Variants in TMEM181 observed in about 807,000 individuals in gnomAD.
The protein encoded by TMEM181 is G protein-coupled receptor 178.
TMEM181 carries 39 observed loss-of-function variants against 71.9 expected under a neutral mutation model. That is an observed-to-expected ratio of 0.54 (90% CI 0.42 to 0.71). The LOEUF (loss-of-function observed/expected upper bound fraction) is 0.71. Among genes scored for constraint, TMEM181 ranks in the 30% least tolerant of loss-of-function variants. TMEM181 has a pLI of 0.00. For synonymous variants in TMEM181, 245 were observed against 228.8 expected (o/e 1.07, Z -0.64); for missense variants, 595 against 583.0 (o/e 1.02, Z -0.21).
chr6:158,623,456 T>C, intron 10 of TMEM181, 94 bp from the exon 11 acceptor site: 1 of 815,540 alleles, frequency 1.2e-6, no homozygotes, highest in East Asian at 2.9e-5. Flanking sequence ...TTTATATTAA[T>C]AAGTAAAAAA....
At chr6:158,557,371 A>G (rs1369607706), upstream of TMEM181, among the ~76,000 whole-genome samples, 1 of 152,054 alleles carries the variant, frequency 6.6e-6, no homozygotes, top group Non-Finnish European at 1.5e-5. Context: ...CTCTGTCTCA[A>G]AAACAAACAG....
chr6:158,581,985 C>T (rs1783509857), intron 3 of TMEM181, among the ~76,000 whole-genome samples: 1 of 152,082 alleles, frequency 6.6e-6, no homozygotes, highest in African/African-American at 2.4e-5. Flanking sequence ...TGTATGACCC[C>T]AAATCCCCCT....
intron 2 of TMEM181, among the ~76,000 whole-genome samples, chr6:158,579,404 C>T (rs1359303557): frequency 2.0e-5 from 3 of 151,988 alleles, no homozygotes; most frequent in Non-Finnish European, 4.4e-5. Context: ...TGTACACATA[C>T]AATGGAATAT....
At chr6:158,560,858 T>C (rs7739346) in intron 1 of TMEM181, among the ~76,000 whole-genome samples, 91,022 of 151,234 alleles carry the variant, frequency 0.6, 28,227 homozygotes, top group East Asian at 0.75. Context: ...GGGTTTTTAA[T>C]GAGGAAAAAC....
At chr6:158,558,065 G>C (rs139789822), upstream of TMEM181, among the ~76,000 whole-genome samples, 4 of 152,326 alleles carry the variant, frequency 2.6e-5, no homozygotes, top group East Asian at 1.9e-4. Context: ...CCTGGGTGAC[G>C]CTGGACAGCA....
chr6:158,567,413 A>T (rs1782573106), intron 1 of TMEM181, among the ~76,000 whole-genome samples: 1 of 152,216 alleles, frequency 6.6e-6, no homozygotes, highest in Admixed American at 6.5e-5. Flanking sequence ...ATGATTTTGT[A>T]TGCCTCCCAC....
chr6:158,608,894 T>C, intron 10 of TMEM181, 144 bp downstream of exon 10: 1 of 731,932 alleles, frequency 1.4e-6, no homozygotes, highest in Non-Finnish European at 2.2e-6. Context: ...GCTCAGGAGT[T>C]CAAGACCAGC....
intron 1 of TMEM181, among the ~76,000 whole-genome samples, chr6:158,564,141 G>C (rs2128287226): frequency 6.6e-6 from 1 of 152,350 alleles, no homozygotes; most frequent in South Asian, 2.1e-4. Context: ...TGAAATTTTA[G>C]AGTTCCTATC....
rs368216274 is a variant in TMEM181, at chr6:158,550,892, G to GA, written c.131+14048dup. ...GGGTGAGAGTGAGACTCTGTCTCAGGAAAAAAAAAAAAAAAAAAAAAGAAC... is the reference window on the plus strand; with the variant it reads ...GGGTGAGAGTGAGACTCTGTCTCAGGAAAAAAAAAAAAAAAAAAAAAAGAAC... On this transcript the variant is annotated intron_variant, in intron 1 of 16. Coordinates refer to the TMEM181 transcript ENST00000367090. Among the ~76,000 whole-genome samples, 342 of 87,014 alleles carry GA rather than the reference G, an allele frequency of 3.9e-3. 5 individuals are homozygous for GA. The highest frequency in any genetic ancestry group is 6.0e-3 in the Non-Finnish European group (274 of 45,846). The allele number at this position is 87,014 out of a possible 152,430, so 57.1% of individuals were successfully genotyped here. A position where few individuals can be genotyped will look rare whatever the true frequency, so the allele number is the denominator to read the frequency against.
At position 158,607,319 on chromosome 6, in the gene TMEM181, C is replaced by T; in HGVS notation, c.649C>T (p.Leu217=). The T allele has an allele frequency of 1.2e-6, 2 of 1,614,192 alleles. No individual in the cohort carries two copies. The highest frequency in any genetic ancestry group is 2.2e-5 in the South Asian group (2 of 91,086). ...CGAGCAGAAGTGGATGTCTGTTCTC[C>T]TGCCTCTGCTGCTACTTTACAATGG... ...GIEQKWMSVL[L]PLLLLYNDPF... The change falls in exon 8 of 17, where the codon CTG becomes TTG. Residue 217 remains leucine, a synonymous_variant. Transcript: ENST00000684151.
At chr6:158,594,174 C>G (rs1402169056) in intron 6 of TMEM181, among the ~76,000 whole-genome samples, 1 of 147,138 alleles carries the variant, frequency 6.8e-6, no homozygotes, top group African/African-American at 2.5e-5. Context: ...TCTCAGCTCA[C>G]TGCAACCTCC....
chr6:158,623,754 T>A (rs1457079689), intron 11 of TMEM181, 147 bp downstream of exon 11: 1 of 495,828 alleles, frequency 2.0e-6, no homozygotes, highest in Non-Finnish European at 3.3e-6. Flanking sequence ...GGTGGAAGAT[T>A]TGGGGAAATT....
intron 11 of TMEM181, among the ~76,000 whole-genome samples, chr6:158,624,458 G>A (rs1043051531): frequency 3.3e-5 from 5 of 152,242 alleles, no homozygotes; most frequent in African/African-American, 4.8e-5. Context: ...CGGAGCCATC[G>A]AGGAGCGGGG....
At chr6:158,540,635 G>T (rs1781305378) in intron 1 of TMEM181, among the ~76,000 whole-genome samples, 1 of 152,202 alleles carries the variant, frequency 6.6e-6, no homozygotes, top group Non-Finnish European at 1.5e-5. Context: ...ACAAAACTTA[G>T]CTGGGCGTGG....
chr6:158,543,495 C>G (rs1190916681), intron 1 of TMEM181, among the ~76,000 whole-genome samples: 1 of 152,360 alleles, frequency 6.6e-6, no homozygotes, highest in Middle Eastern at 3.4e-3. Flanking sequence ...GATGTATCGT[C>G]TCCTGGTTCT....
Position 158,625,564 on chromosome 6 carries a change from C to T in TMEM181, c.1058-139C>T, listed in dbSNP as rs564820895. On this transcript the variant is annotated intron_variant, in intron 12 of 16. Transcript: ENST00000684151. Reference sequence around the variant, plus strand: ...GGGAAGGGACCAACGTTCTCCTAGGCTGCTGGCGACTCCGGCTAAGTCTGG... The same window carrying T: ...GGGAAGGGACCAACGTTCTCCTAGGTTGCTGGCGACTCCGGCTAAGTCTGG... 2.7e-5 allele frequency: 20 copies of T among 744,614 alleles called. No individual in the cohort carries two copies. In the African/African-American group the frequency reaches 3.2e-4, roughly 12 times the overall value. 46.1% of individuals were successfully genotyped at this position (744,614 alleles called of 1,614,324 possible). A position where few individuals can be genotyped will look rare whatever the true frequency, so the allele number is the denominator to read the frequency against.
rs1562318486 is a variant in TMEM181 at position 158,631,409 on chromosome 6, A to G, written c.1349+20A>G. ...TTATGGGTAAGTCCCTGTCCGTTAGAAGGCCGGCACACCTTGGGCATCCCG... is the reference window on the plus strand; with the variant it reads ...TTATGGGTAAGTCCCTGTCCGTTAGGAGGCCGGCACACCTTGGGCATCCCG... On this transcript the variant is annotated intron_variant, in intron 16 of 16. Coordinates refer to ENST00000684151, the MANE Select transcript of TMEM181 (RefSeq NM_001376852.1). The G allele has an allele frequency of 4.3e-6, 7 of 1,613,728 alleles. No individual in the cohort carries two copies. Among genetic ancestry groups the G allele is most frequent in the Non-Finnish European group, 5.1e-6 (6 of 1,179,740 alleles).
chr6:158,545,151 C>T (rs1025429676), intron 1 of TMEM181, among the ~76,000 whole-genome samples: 10 of 152,242 alleles, frequency 6.6e-5, no homozygotes, highest in African/African-American at 9.6e-5. Flanking sequence ...ATGCCTACTC[C>T]GAACGTTTCT....
At chr6:158,563,231 C>T (rs1412874030) in intron 1 of TMEM181, among the ~76,000 whole-genome samples, 3 of 152,196 alleles carry the variant, frequency 2.0e-5, no homozygotes, top group Non-Finnish European at 1.5e-5. Context: ...GCAACCTCTG[C>T]CTCCCGGGTT....
Sources: allele counts gnomAD v4.1 joint callset (sites outside exome capture counted in the v4.1 genomes callset), GRCh38; gene constraint gnomAD v4.1.1; transcripts MANE v1.5; gene names NCBI Gene and HGNC (gene_info 2026-07-23, HGNC 2026-07-21).